The following TENM3 variants were observed in gnomAD, a reference collection of about 807,000 sequenced individuals.
The protein encoded by TENM3 is teneurin-3.
In TENM3, 63 loss-of-function variants were observed where a neutral mutation model predicts 255.1. The observed-to-expected ratio is 0.25, with a 90% CI of 0.20 to 0.30. The LOEUF (loss-of-function observed/expected upper bound fraction) is 0.30, where lower values mean the gene tolerates loss of function less well. Among genes scored for constraint, TENM3 ranks in the 10% least tolerant of loss-of-function variants. The probability of loss-of-function intolerance (pLI) is 1.00; values close to 1 mark genes in which losing one functional copy is unlikely to be tolerated. For missense variants in TENM3, 2,929 were observed against 3,461.1 expected, an observed-to-expected ratio of 0.85 and a Z score of 3.86; for synonymous variants, 1,306 against 1,322.3, an observed-to-expected ratio of 0.99 and a Z score of 0.27.
chr4:181,911,875 C>A, the TENM3 span, among the ~76,000 whole-genome samples: 1 of 152,120 alleles, frequency 6.6e-6, no homozygotes, highest in Admixed American at 6.6e-5. Context: ...TTAAAATACA[C>A]AAATAACATA....
chr4:182,563,197 C>A lies in TENM3; in HGVS notation c.512-37727C>A, dbSNP rs1465217611. On this transcript the variant is annotated intron_variant, in intron 3 of 27. Coordinates refer to ENST00000511685, the MANE Select transcript of TENM3 (RefSeq NM_001080477.4). Reference sequence around the variant, plus strand: ...AGGGAGGTTGAGGCGGGTGGATCACCTGAGGTCAGGAGTTCAAGACCAGCC... The same window carrying A: ...AGGGAGGTTGAGGCGGGTGGATCACATGAGGTCAGGAGTTCAAGACCAGCC... Among the ~76,000 whole-genome samples, 3 of 152,130 alleles carry A rather than the reference C, an allele frequency of 2.0e-5. No individual in the cohort carries two copies. The East Asian group carries it at 5.8e-4, about 30-fold the overall frequency.
At chr4:182,672,880 T>C (rs1755333290) in intron 6 of TENM3, 125 bp from the exon 7 acceptor site, 1 of 673,272 alleles carries the variant, frequency 1.5e-6, no homozygotes, top group African/African-American at 1.8e-5. Context: ...ATGAAAGTAA[T>C]ATATCAGAAG....
At chr4:182,614,019 A>G (rs1161243010) in intron 4 of TENM3, among the ~76,000 whole-genome samples, 2 of 152,208 alleles carry the variant, frequency 1.3e-5, no homozygotes, top group African/African-American at 4.8e-5. Context: ...ACATGCTATC[A>G]GCATGAAGAA....
intron 3 of TENM3, among the ~76,000 whole-genome samples, chr4:182,502,720 G>A (rs975009899): frequency 5.9e-5 from 9 of 151,802 alleles, no homozygotes; most frequent in Non-Finnish European, 1.0e-4. Context: ...AAGTTTTTCT[G>A]TTCCCTGCAT....
intron 3 of TENM3, among the ~76,000 whole-genome samples, chr4:182,551,933 G>A (rs1354041409): frequency 1.3e-5 from 2 of 151,570 alleles, no homozygotes; most frequent in Non-Finnish European, 2.9e-5. Flanking sequence ...CAGGAGGATT[G>A]CTTGAGCCTG....
At chr4:181,955,034 A>G in the TENM3 span, among the ~76,000 whole-genome samples, 1 of 152,108 alleles carries the variant, frequency 6.6e-6, no homozygotes, top group Non-Finnish European at 1.5e-5. Flanking sequence ...GTATGGTTCT[A>G]TTTCTTAAAT....
chr4:181,773,066 C>T, the TENM3 span, among the ~76,000 whole-genome samples: 3 of 152,178 alleles, frequency 2.0e-5, no homozygotes, highest in South Asian at 6.2e-4. Flanking sequence ...TGGCTCTCAT[C>T]TGACACAGAA....
chr4:182,495,164 C>T (rs1026551174), intron 3 of TENM3, among the ~76,000 whole-genome samples: 5 of 152,166 alleles, frequency 3.3e-5, no homozygotes, highest in Non-Finnish European at 4.4e-5. Context: ...CTCAGATGCG[C>T]GAGCTCTCTG....
chr4:181,577,210 T>G, the TENM3 span, among the ~76,000 whole-genome samples: 1 of 102,384 alleles, frequency 9.8e-6, no homozygotes, highest in African/African-American at 3.2e-5. Context: ...TATATATATA[T>G]TTTTTTTTTA....
At chr4:182,367,113 A>G (rs1766481524) in intron 3 of TENM3, among the ~76,000 whole-genome samples, 1 of 151,770 alleles carries the variant, frequency 6.6e-6, no homozygotes, top group South Asian at 2.1e-4. Flanking sequence ...GAGGATTCAG[A>G]AAAGAAAAGA....
intron 1 of TENM3, among the ~76,000 whole-genome samples, chr4:182,213,853 G>C (rs539308476): frequency 6.6e-6 from 1 of 152,076 alleles, no homozygotes; most frequent in Non-Finnish European, 1.5e-5. Context: ...CCAGGCTGGA[G>C]TGCAGTGGCG....
At chr4:181,807,232 C>T in the TENM3 span, among the ~76,000 whole-genome samples, 1 of 152,192 alleles carries the variant, frequency 6.6e-6, no homozygotes, top group Non-Finnish European at 1.5e-5. Context: ...CTTTCCATCA[C>T]TTTGACTATG....
the TENM3 span, among the ~76,000 whole-genome samples, chr4:181,970,531 T>G: frequency 2.6e-5 from 4 of 152,324 alleles, no homozygotes; most frequent in Middle Eastern, 3.4e-3. Flanking sequence ...CATCAAGCAG[T>G]TTTTAGAACT....
the TENM3 span, among the ~76,000 whole-genome samples, chr4:182,092,155 C>T: frequency 1.3e-5 from 2 of 151,994 alleles, no homozygotes; most frequent in Admixed American, 6.6e-5. Flanking sequence ...GCCTGGCCAA[C>T]ATGGTGAAGC....
chr4:181,921,575 G>C, the TENM3 span, among the ~76,000 whole-genome samples: 10 of 152,126 alleles, frequency 6.6e-5, no homozygotes, highest in South Asian at 2.1e-4. Context: ...GATTTTTGTA[G>C]ATTGATTTTG....
At chr4:181,986,473 T>G in the TENM3 span, among the ~76,000 whole-genome samples, 5 of 152,034 alleles carry the variant, frequency 3.3e-5, no homozygotes, top group African/African-American at 1.2e-4. Context: ...AATCCCAACC[T>G]TTAGTGTTTC....
intron 1 of TENM3, among the ~76,000 whole-genome samples, chr4:182,258,982 T>C (rs1292832420): frequency 6.6e-6 from 1 of 152,228 alleles, no homozygotes; most frequent in African/African-American, 2.4e-5. Flanking sequence ...GCATTTGTTT[T>C]GGAGAATAAC....
the TENM3 span, among the ~76,000 whole-genome samples, chr4:181,903,368 C>T: frequency 6.6e-6 from 1 of 152,146 alleles, no homozygotes; most frequent in Non-Finnish European, 1.5e-5. Context: ...TTATATTATG[C>T]ATACAGAAAG....
At chr4:181,965,948 T>C in the TENM3 span, among the ~76,000 whole-genome samples, 20 of 152,332 alleles carry the variant, frequency 1.3e-4, no homozygotes, top group East Asian at 3.9e-3. Context: ...CCCTGTCCTT[T>C]CACCTTGAAG....
Sources: allele counts gnomAD v4.1 joint callset (sites outside exome capture counted in the v4.1 genomes callset), GRCh38; gene constraint gnomAD v4.1.1; transcripts MANE v1.5; gene names NCBI Gene and HGNC (gene_info 2026-07-23, HGNC 2026-07-21).